The following PTPRQ variants were observed in gnomAD, a reference collection of about 807,000 sequenced individuals.
PTPRQ encodes the protein phosphatidylinositol phosphatase PTPRQ.
In PTPRQ, 199 loss-of-function variants were observed where a neutral mutation model predicts 246.0. The observed-to-expected ratio is 0.81, with a 90% CI of 0.72 to 0.91. The LOEUF (loss-of-function observed/expected upper bound fraction) is 0.91. Ranked by LOEUF, PTPRQ falls within the 40% of genes least tolerant of loss-of-function variation. PTPRQ has a pLI of 0.00. For missense variants in PTPRQ, 2,624 were observed against 2,528.4 expected (o/e 1.04, Z -0.81); for synonymous variants, 869 against 853.2 (o/e 1.02, Z -0.32).
chr12:80,652,444 C>A (rs1235065014), intron 37 of PTPRQ, among the ~76,000 whole-genome samples: 2 of 152,082 alleles, frequency 1.3e-5, no homozygotes, highest in South Asian at 2.1e-4. Flanking sequence ...CCTGATGAAA[C>A]CATTAGTAAC....
chr12:80,542,435 G>A, intron 22 of PTPRQ, 71 bp downstream of exon 22: 1 of 1,487,580 alleles, frequency 6.7e-7, no homozygotes, highest in Non-Finnish European at 8.9e-7. Context: ...TTAAGGAACA[G>A]CATGGAATAT....
At chr12:80,466,504 T>A (rs1352215819) in intron 6 of PTPRQ, among the ~76,000 whole-genome samples, 1 of 152,166 alleles carries the variant, frequency 6.6e-6, no homozygotes, top group Non-Finnish European at 1.5e-5. Context: ...TGGAAAAAAC[T>A]ACTTTAAAGT....
At chr12:80,515,182 G>A (rs991268200) in intron 17 of PTPRQ, among the ~76,000 whole-genome samples, 3 of 151,914 alleles carry the variant, frequency 2.0e-5, no homozygotes, top group African/African-American at 7.3e-5. Flanking sequence ...GTTTTGGGGA[G>A]AGGAGGCAGG....
chr12:80,556,549 G>T (rs1896651615), intron 25 of PTPRQ, among the ~76,000 whole-genome samples: 1 of 152,152 alleles, frequency 6.6e-6, no homozygotes, highest in African/African-American at 2.4e-5. Flanking sequence ...TAGATCATCT[G>T]ATATAGATCA....
At chr12:80,608,630 C>T (rs1898427099) in intron 27 of PTPRQ, among the ~76,000 whole-genome samples, 1 of 138,916 alleles carries the variant, frequency 7.2e-6, no homozygotes, top group African/African-American at 2.8e-5. Flanking sequence ...AACCCAGTGA[C>T]CTTGTGGAAG....
At chr12:80,524,697 T>C (rs148335645) in intron 17 of PTPRQ, among the ~76,000 whole-genome samples, 1 of 152,266 alleles carries the variant, frequency 6.6e-6, no homozygotes, top group Non-Finnish European at 1.5e-5. Context: ...GACAAATGTT[T>C]CTTACATATT....
intron 39 of PTPRQ, among the ~76,000 whole-genome samples, chr12:80,667,730 G>A (rs1036805575): frequency 1.3e-5 from 2 of 151,518 alleles, no homozygotes; most frequent in Non-Finnish European, 3.0e-5. Context: ...CTGGATAGTG[G>A]GATTACAGGT....
chr12:80,653,868 A>C (rs1389702717), intron 38 of PTPRQ, among the ~76,000 whole-genome samples: 2 of 152,216 alleles, frequency 1.3e-5, no homozygotes, highest in Non-Finnish European at 1.5e-5. Flanking sequence ...TTAATTTCTA[A>C]GAAGTAGAAT....
intron 27 of PTPRQ, among the ~76,000 whole-genome samples, chr12:80,606,992 A>C (rs973542861): frequency 6.6e-6 from 1 of 151,084 alleles, no homozygotes; most frequent in Admixed American, 6.6e-5. Flanking sequence ...CATATTAAGA[A>C]GTGATTTTGT....
At chr12:80,562,355 AT>A (rs796292498) in intron 25 of PTPRQ, among the ~76,000 whole-genome samples, 2 of 152,240 alleles carry the variant, frequency 1.3e-5, no homozygotes, top group South Asian at 2.1e-4. Flanking sequence ...AATGGTATTC[AT>A]TTATCTTTAA....
intron 17 of PTPRQ, among the ~76,000 whole-genome samples, chr12:80,525,433 A>G (rs1384244133): frequency 6.6e-6 from 1 of 152,140 alleles, no homozygotes; most frequent in Non-Finnish European, 1.5e-5. Context: ...TCTTGTGTAT[A>G]ATGGCACAGG....
chr12:80,654,743 C>T (rs953384929), intron 38 of PTPRQ, among the ~76,000 whole-genome samples: 8 of 151,574 alleles, frequency 5.3e-5, no homozygotes, highest in African/African-American at 1.9e-4. Flanking sequence ...GCCTGTAATC[C>T]CAGCTACTCG....
intron 25 of PTPRQ, among the ~76,000 whole-genome samples, chr12:80,576,811 A>G (rs1003170574): frequency 1.3e-5 from 2 of 152,182 alleles, no homozygotes; most frequent in African/African-American, 4.8e-5. Context: ...AAATTCCTTT[A>G]CGTGACCCAT....
At chr12:80,489,101 G>A (rs771391652) in intron 9 of PTPRQ, among the ~76,000 whole-genome samples, 1 of 151,998 alleles carries the variant, frequency 6.6e-6, no homozygotes, top group East Asian at 1.9e-4. Flanking sequence ...TATTTCTTAA[G>A]TAATCATGAG....
At chr12:80,450,553 T>C (rs1003981683) in intron 3 of PTPRQ, among the ~76,000 whole-genome samples, 4 of 152,016 alleles carry the variant, frequency 2.6e-5, no homozygotes, top group African/African-American at 7.3e-5. Context: ...ATACGTCCCA[T>C]CAATACCTAA....
At chr12:80,661,517 A>G (rs1900630337) in intron 39 of PTPRQ, among the ~76,000 whole-genome samples, 1 of 151,658 alleles carries the variant, frequency 6.6e-6, no homozygotes, top group East Asian at 1.9e-4. Context: ...ACATATACAT[A>G]TATGTGTATA....
chr12:80,665,762 C>A (rs1355973571), intron 39 of PTPRQ, among the ~76,000 whole-genome samples: 1 of 151,712 alleles, frequency 6.6e-6, no homozygotes, highest in Admixed American at 6.6e-5. Flanking sequence ...GAAAAAAAAT[C>A]CAATTTAAAA....
Position 80,616,193 on chromosome 12 carries a change from G to T in PTPRQ, c.5164-7G>T. ...TGAAAATAGTAACAAATATTTGTTT[G>T]TTTTAGGTTTACGCAGTCAATAGTG... On this transcript the variant is annotated splice_polypyrimidine_tract_variant and splice_region_variant and intron_variant, in intron 29 of 44. Transcript: ENST00000644991. The T allele has an allele frequency of 6.8e-7, 1 of 1,463,198 alleles. No homozygotes were observed. The highest frequency in any genetic ancestry group is 9.1e-7 in the Non-Finnish European group (1 of 1,103,610). The allele number at this position is 1,463,198 out of a possible 1,614,324, so 90.6% of individuals were successfully genotyped here.
chr12:80,590,065 T>A (rs1019990563), intron 26 of PTPRQ, among the ~76,000 whole-genome samples: 1 of 152,214 alleles, frequency 6.6e-6, no homozygotes, highest in African/African-American at 2.4e-5. Context: ...AATATCTGCC[T>A]GATCAACTAA....
Sources: gnomAD v4.1 joint callset for allele counts (sites outside exome capture counted in the v4.1 genomes callset) on GRCh38, gnomAD v4.1.1 for gene constraint, MANE v1.5 for transcripts, NCBI Gene and HGNC (gene_info 2026-07-23, HGNC 2026-07-21) for gene names.